The following URGCP variants were observed in gnomAD, a reference collection of about 807,000 sequenced individuals.
The protein encoded by URGCP is upregulator of cell proliferation.
URGCP carries 13 observed loss-of-function variants against 24.6 expected under a neutral mutation model. That is an observed-to-expected ratio of 0.53 (90% CI 0.34 to 0.84). The LOEUF is 0.84. URGCP is among the 40% of genes least tolerant of loss of function. The pLI is 0.01. For synonymous variants in URGCP, 444 were observed against 487.2 expected (o/e 0.91, Z 1.17); for missense variants, 899 against 1,194.3 (o/e 0.75, Z 3.64).
intron 1 of URGCP, among the ~76,000 whole-genome samples, chr7:43,896,387 G>A (rs146599842): frequency 3.3e-4 from 50 of 151,366 alleles, no homozygotes; most frequent in African/African-American, 1.0e-3. Context: ...CTCGGGAGGC[G>A]GAGATTGCAG....
At chr7:43,890,630 G>A (rs1655933172) in intron 1 of URGCP, among the ~76,000 whole-genome samples, 1 of 152,140 alleles carries the variant, frequency 6.6e-6, no homozygotes, top group African/African-American at 2.4e-5. Context: ...ACTGCCTAGG[G>A]GCCACCTGCA....
rs981337822 is a variant in URGCP, at chr7:43,878,294, T to C, written c.1169A>G (p.Tyr390Cys). ...CAGGTTTGTGTTGCGCTTCCCACGG[T>C]AGGGACTCAGGATGAAGTAGTATTT... The part of the protein sequence containing the change: ...TTKYYFILSP[Y>C]RGKRNTNLRF... Residue 390 changes from tyrosine (Y) to cysteine (C), a missense_variant, in exon 6 of 6, where the codon TAC becomes TGC. Physicochemically the swap from Tyr to Cys is radical, Grantham distance 194 (BLOSUM62 -2). Transcript: ENST00000453200. The surrounding 1 kb of genome is among the most constrained non-coding windows in gnomAD (Gnocchi z 5.6). 1 of 1,614,112 alleles carries C rather than the reference T, an allele frequency of 6.2e-7. No homozygotes were observed. The highest frequency in any genetic ancestry group is 1.3e-5 in the African/African-American group (1 of 74,936).
upstream of URGCP, among the ~76,000 whole-genome samples, chr7:43,910,503 A>G (rs985705871): frequency 1.4e-5 from 2 of 145,406 alleles, no homozygotes; most frequent in Non-Finnish European, 3.0e-5. Context: ...TGCTGGTATT[A>G]CAGATGTGAG....
upstream of URGCP, among the ~76,000 whole-genome samples, chr7:43,907,489 T>C (rs908407628): frequency 7.2e-5 from 11 of 151,978 alleles, no homozygotes; most frequent in African/African-American, 2.7e-4. Flanking sequence ...CGTTTCATTT[T>C]TAAAAATAAA....
intron 1 of URGCP, among the ~76,000 whole-genome samples, chr7:43,920,308 C>T (rs1299168462): frequency 6.6e-6 from 1 of 152,102 alleles, no homozygotes; most frequent in Non-Finnish European, 1.5e-5. Context: ...ACTGGCAATC[C>T]CAGCGCTTTG....
Position 43,879,041 on chromosome 7 carries a change from T to C in URGCP, c.422A>G (p.Asp141Gly), listed in dbSNP as rs1350424026. The change falls in exon 6 of 6, where the codon GAC becomes GGC. Residue 141 changes from aspartate (D) to glycine (G), a missense_variant. Coordinates refer to ENST00000453200, the MANE Select transcript of URGCP (RefSeq NM_001077663.3). The stretch of plus-strand genomic sequence containing the variant: ...GCTCTCCTTCTCCACAGGCCTGGCG[T>C]CTGGGAGCACGTCCAGCACCATAGT... ...NTTMVLDVLPDARPVEKESQM... is the reference protein window; with the variant it reads ...NTTMVLDVLPGARPVEKESQM... 1.2e-6 allele frequency: 2 copies of C among 1,614,078 alleles called. No homozygotes were observed. Among genetic ancestry groups the C allele is most frequent in the East Asian group, 2.2e-5 (1 of 44,894 alleles).
Position 43,878,958 on chromosome 7 carries a change from A to T in URGCP, c.505T>A (p.Tyr169Asn). 6.2e-7 allele frequency: 1 copy of T among 1,614,198 alleles called. No individual in the cohort carries two copies. The highest frequency in any genetic ancestry group is 8.5e-7 in the Non-Finnish European group (1 of 1,180,036). Residue 169 changes from tyrosine (Y) to asparagine (N), a missense_variant, in exon 6 of 6, where the codon TAT (tyrosine) becomes AAT (asparagine). Physicochemically the swap from Tyr to Asn is moderately radical, Grantham distance 143. Transcript: ENST00000453200. The surrounding 1 kb of genome is among the most constrained non-coding windows in gnomAD (Gnocchi z 5.6). ...DPADDLAADI[Y>N]SFSELPTPDT... ...GGGGTGGGCAGCTCAGAAAAGGAAT[A>T]AATGTCGGCAGCAAGGTCATCAGCT...
chr7:43,900,720 G>T (rs879484708), intron 1 of URGCP, among the ~76,000 whole-genome samples: 55 of 152,094 alleles, frequency 3.6e-4, no homozygotes, highest in Non-Finnish European at 5.4e-4. Flanking sequence ...CAAAGTGCTG[G>T]GATTACAGGC....
At chr7:43,905,067 AT>A (rs1247419340) in intron 1 of URGCP, among the ~76,000 whole-genome samples, 1 of 152,178 alleles carries the variant, frequency 6.6e-6, no homozygotes, top group Non-Finnish European at 1.5e-5. Context: ...ACAACCGCAA[AT>A]ACCAAATGTC....
chr7:43,879,172 C>T lies in URGCP; in HGVS notation c.291G>A (p.Gln97=), dbSNP rs764901363. The T allele has an allele frequency of 4.3e-6, 7 of 1,614,018 alleles. No individual in the cohort carries two copies. The East Asian group carries it at 1.3e-4, about 31-fold the overall frequency. Residue 97 remains glutamine, a synonymous_variant, in exon 6 of 6, where the codon CAG becomes CAA. Coordinates refer to ENST00000453200, the MANE Select transcript of URGCP (RefSeq NM_001077663.3). ...VQKLSLQDSL[Q]ISFDSMKNWA... is the part of the protein sequence containing the mutation. Reference sequence around the variant, plus strand: ...AGTTCTTCATACTGTCAAAACTGATCTGCAGAGAGTCCTGGAGGCTGAGTT... The same window carrying T: ...AGTTCTTCATACTGTCAAAACTGATTTGCAGAGAGTCCTGGAGGCTGAGTT...
chr7:43,905,974 C>T (rs2095901352), intron 1 of URGCP: 1 of 152,146 alleles, frequency 6.6e-6, no homozygotes, highest in African/African-American at 2.4e-5. Context: ...CGCAGCCACC[C>T]CAAGGCAGGC....
chr7:43,915,845 C>T (rs2095914867), intron 1 of URGCP, among the ~76,000 whole-genome samples: 1 of 152,164 alleles, frequency 6.6e-6, no homozygotes, highest in South Asian at 2.1e-4. Context: ...CCCGTCTCTA[C>T]TAAAAATACA....
At chr7:43,924,172 T>C (rs2095925907) in intron 1 of URGCP, among the ~76,000 whole-genome samples, 1 of 152,200 alleles carries the variant, frequency 6.6e-6, no homozygotes, top group South Asian at 2.1e-4. Flanking sequence ...ACCTGACCAA[T>C]TGTGTATTAT....
intron 1 of URGCP, among the ~76,000 whole-genome samples, chr7:43,914,378 G>A (rs371186302): frequency 1.3e-5 from 2 of 152,158 alleles, no homozygotes; most frequent in Non-Finnish European, 2.9e-5. Flanking sequence ...GCTAATGCAT[G>A]TCTGTAGTCC....
chr7:43,920,155 A>G (rs1422886806), intron 1 of URGCP: 1 of 633,188 alleles, frequency 1.6e-6, no homozygotes, highest in African/African-American at 1.8e-5. Flanking sequence ...GACCTCACAC[A>G]TCTCTTTCTC....
intron 1 of URGCP, among the ~76,000 whole-genome samples, chr7:43,895,101 A>G (rs2095876387): frequency 6.6e-6 from 1 of 152,194 alleles, no homozygotes; most frequent in Non-Finnish European, 1.5e-5. Context: ...CAAACGAAAC[A>G]GCCAACAGAG....
Position 43,876,556 on chromosome 7 carries a change from G to A in URGCP, c.*111C>T, listed in dbSNP as rs1438632501. On this transcript the variant is annotated 3_prime_UTR_variant, in exon 6 of 6. Coordinates refer to ENST00000453200, the MANE Select transcript of URGCP (RefSeq NM_001077663.3). The stretch of plus-strand genomic sequence containing the variant: ...TGTCTTTTCCTCGTCTTCTCATGTC[G>A]ATTGGGCACCAGCCATTCTCAGGCA... 18 of 1,217,758 alleles carry A rather than the reference G, an allele frequency of 1.5e-5. No homozygotes were observed. The highest frequency in any genetic ancestry group is 2.3e-5 in the East Asian group (1 of 42,926). 75.4% of individuals were successfully genotyped at this position (1,217,758 alleles called of 1,614,324 possible).
At position 43,877,462 on chromosome 7, in the gene URGCP, C is replaced by G; in HGVS notation, c.2001G>C (p.Thr667=). The G allele has an allele frequency of 6.2e-7, 1 of 1,613,664 alleles. No individual in the cohort carries two copies. The highest frequency in any genetic ancestry group is 2.2e-5 in the East Asian group (1 of 44,878). ...GLPLELIDGS[T]LSMPVRWVTG... Reference sequence around the variant, plus strand: ...TGACCCAGCGGACGGGCATGCTCAGCGTGCTCCCATCGATTAGCTCCAGAG... The same window carrying G: ...TGACCCAGCGGACGGGCATGCTCAGGGTGCTCCCATCGATTAGCTCCAGAG... Residue 667 remains threonine, a synonymous_variant, in exon 6 of 6, where the codon ACG becomes ACC. Coordinates refer to ENST00000453200, the MANE Select transcript of URGCP (RefSeq NM_001077663.3).
At chr7:43,899,850 ATAGGC>A (rs1320507695) in intron 1 of URGCP, among the ~76,000 whole-genome samples, 1 of 152,226 alleles carries the variant, frequency 6.6e-6, no homozygotes, top group Middle Eastern at 3.2e-3. Flanking sequence ...AAAAGTCACA[ATAGGC>A]TAAGTGTGGT....
Sources: allele counts gnomAD v4.1 joint callset (sites outside exome capture counted in the v4.1 genomes callset), GRCh38; gene constraint gnomAD v4.1.1; non-coding constraint Gnocchi (gnomAD v3.1); transcripts MANE v1.5; gene names NCBI Gene and HGNC (gene_info 2026-07-23, HGNC 2026-07-21).